The following TLL2 variants were observed in gnomAD, a reference collection of about 807,000 sequenced individuals.
TLL2 encodes the protein tolloid-like protein 2.
TLL2 carries 106 observed loss-of-function variants against 123.0 expected under a neutral mutation model. The ratio of observed to expected loss-of-function variants is 0.86; its 90% CI spans 0.74 to 1.01. The LOEUF (loss-of-function observed/expected upper bound fraction) is 1.01. TLL2 is among the 50% of genes least tolerant of loss of function. TLL2 has a pLI of 0.00. For missense variants in TLL2, 1,332 were observed against 1,336.7 expected (o/e 1.00, Z 0.06); for synonymous variants, 494 against 516.8 (o/e 0.96, Z 0.60).
intron 3 of TLL2, among the ~76,000 whole-genome samples, chr10:96,439,478 G>A (rs963726610): frequency 9.2e-5 from 14 of 151,970 alleles, no homozygotes; most frequent in South Asian, 2.1e-4. Flanking sequence ...TCTTTCCTCC[G>A]AGGAGGCAAG....
At chr10:96,458,432 C>G (rs55762031) in intron 2 of TLL2, among the ~76,000 whole-genome samples, 38,622 of 151,588 alleles carry the variant, frequency 0.25, 5,611 homozygotes, top group East Asian at 0.54. Flanking sequence ...GCTAAAAATA[C>G]AAAAATTCGC....
At chr10:96,512,091 C>T (rs1287877323) in intron 1 of TLL2, among the ~76,000 whole-genome samples, 1 of 152,156 alleles carries the variant, frequency 6.6e-6, no homozygotes, top group African/African-American at 2.4e-5. Context: ...CCAAGAGATA[C>T]AGCAGTAGGT....
intron 16 of TLL2, among the ~76,000 whole-genome samples, chr10:96,379,499 AG>A (rs1270780646): frequency 6.6e-6 from 1 of 152,216 alleles, no homozygotes; most frequent in Admixed American, 6.5e-5. Flanking sequence ...CAACCTTAGC[AG>A]GGAGCTGTCT....
At chr10:96,479,438 C>T (rs756800698) in intron 2 of TLL2, among the ~76,000 whole-genome samples, 3 of 152,204 alleles carry the variant, frequency 2.0e-5, no homozygotes, top group Non-Finnish European at 4.4e-5. Context: ...CAGAGATCTT[C>T]CTGGATGTCA....
In TLL2 at chr10:96,365,952, G is replaced by C. The variant is rs764240682; in HGVS notation, c.*2136C>G. On this transcript the variant is annotated 3_prime_UTR_variant, in exon 21 of 21. Transcript: ENST00000357947. ...AGAAGTATCATTGTTTCACCGTCCT[G>C]CTGAGCAGCACCAACTCTGTTTCTG... 2.0e-5 allele frequency: 3 copies of C among 152,236 alleles called. No individual in the cohort carries two copies. Among genetic ancestry groups the C allele is most frequent in the Non-Finnish European group, 4.4e-5 (3 of 68,052 alleles). The allele number at this position is 152,236 out of a possible 1,614,324, so 9.4% of individuals were successfully genotyped here. A position where few individuals can be genotyped will look rare whatever the true frequency, so the allele number is the denominator to read the frequency against.
chr10:96,390,539 G>C (rs900928570), intron 13 of TLL2, among the ~76,000 whole-genome samples: 6 of 152,232 alleles, frequency 3.9e-5, no homozygotes, highest in African/African-American at 7.2e-5. Context: ...CTGGCACCCT[G>C]GCCAGGATCA....
chr10:96,467,929 C>T (rs1847145156), intron 2 of TLL2, among the ~76,000 whole-genome samples: 1 of 152,178 alleles, frequency 6.6e-6, no homozygotes, highest in African/African-American at 2.4e-5. Flanking sequence ...GAGACTGTGT[C>T]CCCAAGTTCC....
rs116308077 is a variant in TLL2, at chr10:96,475,149, G to T, written c.286+5200C>A. On this transcript the variant is annotated intron_variant, in intron 2 of 20. Coordinates refer to ENST00000357947, the MANE Select transcript of TLL2 (RefSeq NM_012465.4). ...ACAGTGGTCACAAGGTTGCCAGAAA[G>T]ATAAGCTAGAAGCAGAACGGAGTAA... 5.2e-3 allele frequency among the ~76,000 whole-genome samples: 786 copies of T among 152,334 alleles called. 10 individuals are homozygous for T. Among genetic ancestry groups the T allele is most frequent in the African/African-American group, 0.018 (730 of 41,564 alleles).
chr10:96,463,355 T>C (rs1847098969), intron 2 of TLL2, among the ~76,000 whole-genome samples: 1 of 152,118 alleles, frequency 6.6e-6, no homozygotes, highest in Non-Finnish European at 1.5e-5. Flanking sequence ...GGAGAGCCCC[T>C]GAGAAAGGGG....
chr10:96,427,269 T>A (rs1846686669), intron 5 of TLL2, among the ~76,000 whole-genome samples: 1 of 152,238 alleles, frequency 6.6e-6, no homozygotes, highest in Non-Finnish European at 1.5e-5. Flanking sequence ...TCTTAATGCT[T>A]AATAGATGGG....
chr10:96,449,839 C>A (rs1281393999), intron 2 of TLL2, among the ~76,000 whole-genome samples: 1 of 152,166 alleles, frequency 6.6e-6, no homozygotes, highest in Non-Finnish European at 1.5e-5. Context: ...CTTCATCTGG[C>A]CAAACCCTAC....
chr10:96,405,174 C>T, intron 10 of TLL2, 58 bp downstream of exon 10: 1 of 1,518,886 alleles, frequency 6.6e-7, no homozygotes, highest in Non-Finnish European at 9.1e-7. Context: ...CAGACATTAA[C>T]AGCATCCCGG....
chr10:96,437,558 T>G (rs74151337), intron 3 of TLL2, among the ~76,000 whole-genome samples: 2,107 of 152,298 alleles, frequency 0.014, 58 homozygotes, highest in African/African-American at 0.047. Flanking sequence ...CTTTCCCCTT[T>G]CCTCCATCCA....
At chr10:96,467,588 T>C (rs750167932) in intron 2 of TLL2, among the ~76,000 whole-genome samples, 3 of 152,174 alleles carry the variant, frequency 2.0e-5, no homozygotes, top group Non-Finnish European at 2.9e-5. Context: ...TTATAAGTCA[T>C]GGTAAGAAAC....
chr10:96,484,845 T>C (rs1847343071), intron 1 of TLL2, among the ~76,000 whole-genome samples: 1 of 152,192 alleles, frequency 6.6e-6, no homozygotes, highest in African/African-American at 2.4e-5. Flanking sequence ...AACTGCCTCA[T>C]GCTTCTCCCT....
chr10:96,454,574 TC>T (rs1287919742), intron 2 of TLL2, among the ~76,000 whole-genome samples: 2 of 152,186 alleles, frequency 1.3e-5, no homozygotes, highest in Non-Finnish European at 2.9e-5. Context: ...CCTCCAGTTC[TC>T]CCCTGGCCCC....
intron 9 of TLL2, among the ~76,000 whole-genome samples, chr10:96,405,902 C>A (rs1846444705): frequency 6.6e-6 from 1 of 152,106 alleles, no homozygotes; most frequent in Non-Finnish European, 1.5e-5. Flanking sequence ...CTGTGCTGGC[C>A]AATTGAGATA....
At chr10:96,447,181 G>C (rs934429084) in intron 2 of TLL2, among the ~76,000 whole-genome samples, 1 of 152,260 alleles carries the variant, frequency 6.6e-6, no homozygotes, top group African/African-American at 2.4e-5. Context: ...AAGGAGCCTA[G>C]ACGGGGACTG....
chr10:96,377,351 A>C (rs1163337958), intron 17 of TLL2, among the ~76,000 whole-genome samples: 1 of 152,172 alleles, frequency 6.6e-6, no homozygotes, highest in South Asian at 2.1e-4. Flanking sequence ...AGTTTTTCAA[A>C]GTGGCTTTAT....
Sources: allele counts gnomAD v4.1 joint callset (sites outside exome capture counted in the v4.1 genomes callset), GRCh38; gene constraint gnomAD v4.1.1; transcripts MANE v1.5; gene names NCBI Gene and HGNC (gene_info 2026-07-23, HGNC 2026-07-21).